ATP5PB: variants seen among roughly 807,000 people sequenced by gnomAD.
ATP5PB encodes ATP synthase peripheral stalk-membrane subunit b, also known as ATP synthase peripheral stalk subunit b, mitochondrial.
A neutral mutation model predicts 34.5 loss-of-function variants in ATP5PB; 21 were observed. That is an observed-to-expected ratio of 0.61 (90% confidence interval 0.43 to 0.88). ATP5PB has a LOEUF of 0.88. Among genes scored for constraint, ATP5PB ranks in the 40% least tolerant of loss-of-function variants. ATP5PB has a pLI of 0.00. For missense variants in ATP5PB, 293 were observed against 317.4 expected, an observed-to-expected ratio of 0.92 and a Z score of 0.58; for synonymous variants, 108 against 114.1, an observed-to-expected ratio of 0.95 and a Z score of 0.34.
chr1:111,457,342 A>ACACACAC (rs1557801147), intron 5 of ATP5PB, among the ~76,000 whole-genome samples: 40 of 134,784 alleles, frequency 3.0e-4, no homozygotes, highest in African/African-American at 1.2e-3. Context: ...CACACACACA[A>ACACACAC]ACAACAAATT....
intron 2 of ATP5PB, among the ~76,000 whole-genome samples, chr1:111,452,963 C>T (rs1261146834): frequency 6.6e-6 from 1 of 152,140 alleles, no homozygotes; most frequent in East Asian, 1.9e-4. Flanking sequence ...AAGCATGATT[C>T]TCAGATTTCA....
At chr1:111,458,338 C>T (rs1271046284) in intron 5 of ATP5PB, among the ~76,000 whole-genome samples, 1 of 152,122 alleles carries the variant, frequency 6.6e-6, no homozygotes, top group Non-Finnish European at 1.5e-5. Context: ...CCCCTTTCTA[C>T]AAAATTGCAG....
chr1:111,449,912 C>T, intron 2 of ATP5PB, 39 bp downstream of exon 2: 1 of 1,613,156 alleles, frequency 6.2e-7, no homozygotes, highest in Non-Finnish European at 8.5e-7. Context: ...TCTTTGTTTT[C>T]ACTACCTTTT....
intron 5 of ATP5PB, among the ~76,000 whole-genome samples, chr1:111,457,621 A>C (rs563521078): frequency 2.0e-5 from 3 of 152,246 alleles, no homozygotes; most frequent in South Asian, 4.1e-4. Context: ...TGGCCAAGAT[A>C]CTAAGCATCT....
rs777203497 is a variant in ATP5PB at position 111,456,605 on chromosome 1, T to G, written c.388-25T>G. 3 of 1,605,920 alleles carry G rather than the reference T, an allele frequency of 1.9e-6. No individual in the cohort carries two copies. In the South Asian group the frequency reaches 3.4e-5, roughly 18 times the overall value. ...TTTACCCTTTGTGCTTTCACTGATC[T>G]TTGTTGTTGCTATCACAATTGTAGC... On this transcript the variant is annotated intron_variant, in intron 4 of 6. Transcript: ENST00000369722.
At chr1:111,456,845 A>AT in intron 5 of ATP5PB, 90 bp downstream of exon 5, 1 of 1,382,714 alleles carries the variant, frequency 7.2e-7, no homozygotes, top group Non-Finnish European at 9.5e-7. Flanking sequence ...GGTTAAATAG[A>AT]TTGAACGTAT....
At chr1:111,451,791 G>A (rs1653344071) in intron 2 of ATP5PB, among the ~76,000 whole-genome samples, 1 of 152,066 alleles carries the variant, frequency 6.6e-6, no homozygotes, top group Non-Finnish European at 1.5e-5. Flanking sequence ...GTAATTCCAG[G>A]AGAGTAAGAG....
intron 2 of ATP5PB, among the ~76,000 whole-genome samples, chr1:111,453,403 T>TAA (rs746366424): frequency 4.6e-5 from 6 of 130,482 alleles, no homozygotes; most frequent in Non-Finnish European, 3.3e-5. Flanking sequence ...TATACCTCAT[T>TAA]AAAAAAAAAA....
At chr1:111,457,549 G>A (rs1265880246) in intron 5 of ATP5PB, among the ~76,000 whole-genome samples, 2 of 152,180 alleles carry the variant, frequency 1.3e-5, no homozygotes, top group African/African-American at 2.4e-5. Context: ...AATGAAAAAT[G>A]AGATGCTAAG....
At chr1:111,450,201 G>T (rs1264898) in intron 2 of ATP5PB, among the ~76,000 whole-genome samples, 68,333 of 152,000 alleles carry the variant, frequency 0.45, 16,038 homozygotes, top group East Asian at 0.74. Flanking sequence ...CCGAGTAGAT[G>T]ACATACCCAA....
At position 111,455,888 on chromosome 1, in the gene ATP5PB, A is replaced by C. The variant is rs183008302; in HGVS notation, c.224-198A>C. Among the ~76,000 whole-genome samples, 27 of 152,342 alleles carry C rather than the reference A, an allele frequency of 1.8e-4. No individual in the cohort carries two copies. The East Asian group carries it at 4.0e-3, about 23-fold the overall frequency. On this transcript the variant is annotated intron_variant, in intron 3 of 6. Coordinates refer to ENST00000369722, the MANE Select transcript of ATP5PB (RefSeq NM_001688.5). ...TTGCTCAGTTTCTTTAAAATTGTAG[A>C]GTCAGTATACAGATTTCCCTGAGTC...
At chr1:111,453,919 C>T (rs1344933651) in intron 2 of ATP5PB, among the ~76,000 whole-genome samples, 1 of 152,212 alleles carries the variant, frequency 6.6e-6, no homozygotes, top group African/African-American at 2.4e-5. Flanking sequence ...CACATTCTTA[C>T]ATATTTCAGT....
Position 111,454,315 on chromosome 1 carries a change from A to G in ATP5PB, c.182A>G (p.Glu61Gly). The change falls in exon 3 of 7, where the codon GAG becomes GGG. Residue 61 changes from glutamate to glycine, a missense_variant. Physicochemically the swap from Glu to Gly is moderately conservative, Grantham distance 98. Coordinates refer to ENST00000369722, the MANE Select transcript of ATP5PB (RefSeq NM_001688.5). The stretch of plus-strand genomic sequence containing the variant: ...AAAGTTCGTTATGGACTGATCCCTG[A>G]GGAATTCTTCCAGTTTCTTTATCCT... ...GGKVRYGLIP[E>G]EFFQFLYPKT... 1 of 1,611,400 alleles carries G rather than the reference A, an allele frequency of 6.2e-7. No individual in the cohort carries two copies. The highest frequency in any genetic ancestry group is 1.1e-5 in the South Asian group (1 of 90,490).
intron 4 of ATP5PB, 36 bp downstream of exon 4, chr1:111,456,285 A>G: frequency 6.5e-7 from 1 of 1,528,980 alleles, no homozygotes; most frequent in Non-Finnish European, 8.8e-7. Context: ...ATTTTAGACT[A>G]GCAGAAACAT....
chr1:111,452,324 T>A (rs1022425003), intron 2 of ATP5PB, among the ~76,000 whole-genome samples: 1 of 152,028 alleles, frequency 6.6e-6, no homozygotes, highest in African/African-American at 2.4e-5. Flanking sequence ...TTTCAGCACT[T>A]TGGGAGGCCG....
In ATP5PB at chr1:111,457,312, A is replaced by AACACACACACACAC. The variant is rs111663185; in HGVS notation, c.513+573_513+586dup. 5.0e-3 allele frequency among the ~76,000 whole-genome samples: 733 copies of AACACACACACACAC among 146,810 alleles called. 8 individuals are homozygous for AACACACACACACAC. The highest frequency in any genetic ancestry group is 0.017 in the African/African-American group (682 of 39,354). On this transcript the variant is annotated intron_variant, in intron 5 of 6. Transcript: ENST00000369722. ...TAGGCAACAGAGCAAGACTCTCTCA[A>AACACACACACACAC]ACACACACACACACACACACACACA...
intron 3 of ATP5PB, among the ~76,000 whole-genome samples, chr1:111,455,501 T>A (rs1362387355): frequency 6.6e-6 from 1 of 152,150 alleles, no homozygotes; most frequent in Non-Finnish European, 1.5e-5. Flanking sequence ...TAAATGTAAA[T>A]CATGGTTTGC....
chr1:111,459,492 G>T lies in ATP5PB; in HGVS notation c.549G>T (p.Arg183=), dbSNP rs1270831555. 1.9e-6 allele frequency: 3 copies of T among 1,611,030 alleles called. No homozygotes were observed. Among genetic ancestry groups the T allele is most frequent in the Admixed American group, 1.7e-5 (1 of 59,780 alleles). ...CTATGGCTTTGGAAGTTACTTACCG[G>T]GAACGACTGTATAGAGTATATAAGG... The part of the protein sequence containing the change: ...NIAMALEVTY[R]ERLYRVYKEV... The change falls in exon 6 of 7, where the codon CGG becomes CGT. Residue 183 remains arginine, a synonymous_variant. Coordinates refer to ENST00000369722, the MANE Select transcript of ATP5PB (RefSeq NM_001688.5).
rs562409675 is a variant in ATP5PB at position 111,449,534 on chromosome 1, C to T, written c.-8C>T. ...ACGCTAAGATTGCTACCTGGACTTT[C>T]GTTGACCATGCTGTCCCGGGTGGTA... On this transcript the variant is annotated 5_prime_UTR_variant, in exon 1 of 7. Coordinates refer to ENST00000369722, the MANE Select transcript of ATP5PB (RefSeq NM_001688.5). The T allele has an allele frequency of 1.9e-6, 3 of 1,613,890 alleles. No homozygotes were observed. The highest frequency in any genetic ancestry group is 1.3e-5 in the African/African-American group (1 of 75,024).
Sources: allele counts gnomAD v4.1 joint callset (sites outside exome capture counted in the v4.1 genomes callset), GRCh38; gene constraint gnomAD v4.1.1; transcripts MANE v1.5; gene names NCBI Gene and HGNC (gene_info 2026-07-23, HGNC 2026-07-21).